The following MINDY4 variants were observed in gnomAD, a reference collection of about 807,000 sequenced individuals.
MINDY4 encodes the protein MINDY lysine 48 deubiquitinase 4, also known as probable ubiquitin carboxyl-terminal hydrolase MINDY-4.
Under a neutral mutation model 87.0 loss-of-function variants are expected in MINDY4, and 68 were observed. The observed-to-expected ratio is 0.78, with a 90% CI of 0.64 to 0.96. The LOEUF is 0.96. Ranked by LOEUF, MINDY4 falls within the 40% of genes least tolerant of loss-of-function variation. The probability of loss-of-function intolerance (pLI) is 0.00; values close to 1 mark genes in which losing one functional copy is unlikely to be tolerated. For synonymous variants in MINDY4, 379 were observed against 363.2 expected, an observed-to-expected ratio of 1.04 and a Z score of -0.50; for missense variants, 919 against 928.2, an observed-to-expected ratio of 0.99 and a Z score of 0.13.
At chr7:30,871,690 G>A (rs1790111380) in intron 13 of MINDY4, among the ~76,000 whole-genome samples, 1 of 152,214 alleles carries the variant, frequency 6.6e-6, no homozygotes, top group Non-Finnish European at 1.5e-5. Context: ...GCACCCTTGA[G>A]CAAGACATCC....
At chr7:30,781,046 G>A (rs76350356) in intron 2 of MINDY4, 13,305 of 152,314 alleles carry the variant, frequency 0.087, 955 homozygotes, top group African/African-American at 0.18. Context: ...GATGAGAGGA[G>A]TAGGAAGGGG....
At chr7:30,791,798 T>A (rs1787332035) in intron 5 of MINDY4, among the ~76,000 whole-genome samples, 1 of 152,140 alleles carries the variant, frequency 6.6e-6, no homozygotes, top group South Asian at 2.1e-4. Context: ...GACAGGGGTG[T>A]CCAACCTTTT....
intron 5 of MINDY4, among the ~76,000 whole-genome samples, chr7:30,823,528 G>A (rs1487508654): frequency 1.3e-5 from 2 of 151,426 alleles, no homozygotes; most frequent in East Asian, 3.9e-4. Flanking sequence ...AATATTTAAT[G>A]TATCATCTAT....
At chr7:30,815,382 C>T (rs543463961) in intron 5 of MINDY4, among the ~76,000 whole-genome samples, 53 of 152,356 alleles carry the variant, frequency 3.5e-4, no homozygotes, top group African/African-American at 1.2e-3. Flanking sequence ...TAATCAGAGG[C>T]AGCCTTAGTG....
chr7:30,842,649 G>A (rs1789077316), intron 9 of MINDY4, among the ~76,000 whole-genome samples: 1 of 152,182 alleles, frequency 6.6e-6, no homozygotes, highest in Non-Finnish European at 1.5e-5. Context: ...AGGAACAGGT[G>A]GTTACAGGGG....
chr7:30,859,183 C>T, intron 12 of MINDY4, 74 bp from the exon 13 acceptor site: 2 of 1,427,224 alleles, frequency 1.4e-6, no homozygotes, highest in South Asian at 1.2e-5. Flanking sequence ...TGGGGTGTGG[C>T]TCCCACAGAG....
intron 13 of MINDY4, 111 bp from the exon 14 acceptor site, chr7:30,872,132 C>A (rs1790124133): frequency 2.0e-6 from 2 of 1,006,294 alleles, no homozygotes; most frequent in Admixed American, 4.0e-5. Context: ...CCCACCAAAT[C>A]TGGAATTCTG....
intron 13 of MINDY4, among the ~76,000 whole-genome samples, chr7:30,871,457 A>G (rs1790104148): frequency 6.6e-6 from 1 of 152,228 alleles, no homozygotes; most frequent in Non-Finnish European, 1.5e-5. Flanking sequence ...CAAGCCGGGA[A>G]GGAGGATGGA....
chr7:30,826,488 T>C (rs192360510), intron 5 of MINDY4, among the ~76,000 whole-genome samples: 8 of 152,272 alleles, frequency 5.3e-5, no homozygotes, highest in Admixed American at 3.3e-4. Context: ...AATGAGCAGC[T>C]TATGAAAAGA....
At chr7:30,883,407 G>A (rs1383640472) in intron 17 of MINDY4, among the ~76,000 whole-genome samples, 1 of 152,166 alleles carries the variant, frequency 6.6e-6, no homozygotes, top group Non-Finnish European at 1.5e-5. Context: ...CCTGGGGGTG[G>A]CAGGAGGTGC....
chr7:30,781,961 T>TC lies in MINDY4; in HGVS notation c.184-15dup, dbSNP rs1787018749. 19 of 1,565,690 alleles carry TC rather than the reference T, an allele frequency of 1.2e-5. No individual in the cohort carries two copies. Among genetic ancestry groups the TC allele is most frequent in the Non-Finnish European group, 1.6e-5 (18 of 1,141,566 alleles). On this transcript the variant is annotated splice_polypyrimidine_tract_variant and intron_variant, in intron 2 of 17. Coordinates refer to ENST00000265299, the MANE Select transcript of MINDY4 (RefSeq NM_032222.3). ...TGTATATAAATTAATGATTTTTTTT[T>TC]CTCTCCCAATGATAGGCAAAGGAAA...
At chr7:30,789,689 A>C (rs1787263155) in intron 4 of MINDY4, among the ~76,000 whole-genome samples, 1 of 152,198 alleles carries the variant, frequency 6.6e-6, no homozygotes, top group Admixed American at 6.5e-5. Context: ...CCAGAACACT[A>C]CAAAATTAAG....
rs1357916082 is a variant in MINDY4, at chr7:30,853,434, C to A, written c.1652C>A (p.Thr551Asn). ...HSLTCYEDLV[T>N]FLQQSIHQFE... ...TTGACCTGCTATGAGGACCTGGTGA[C>A]TTTTCTTCAACAAAGCATTCATCAG... The change falls in exon 12 of 18, where the codon ACT (threonine) becomes AAT (asparagine). Residue 551 changes from threonine (T) to asparagine (N), a missense_variant. By Grantham distance (65) the Thr-to-Asn change is moderately conservative. Coordinates refer to ENST00000265299, the MANE Select transcript of MINDY4 (RefSeq NM_032222.3). 6.2e-7 allele frequency: 1 copy of A among 1,613,436 alleles called. No individual in the cohort carries two copies. Among genetic ancestry groups the A allele is most frequent in the Non-Finnish European group, 8.5e-7 (1 of 1,179,770 alleles).
chr7:30,833,904 A>T (rs1242004424), intron 6 of MINDY4, among the ~76,000 whole-genome samples: 2 of 152,272 alleles, frequency 1.3e-5, no homozygotes, highest in Non-Finnish European at 2.9e-5. Flanking sequence ...TCTCACATCT[A>T]GGTCATGCTG....
chr7:30,881,010 C>T (rs1359602870), intron 15 of MINDY4, among the ~76,000 whole-genome samples: 2 of 152,154 alleles, frequency 1.3e-5, no homozygotes, highest in Admixed American at 6.5e-5. Context: ...AAAAGTATGC[C>T]CTTCTCCCCA....
chr7:30,870,903 T>TGTGTGTGCCCCCCCAGGGCC (rs1790083066), intron 13 of MINDY4, among the ~76,000 whole-genome samples: 1 of 152,118 alleles, frequency 6.6e-6, no homozygotes, highest in South Asian at 2.1e-4. Flanking sequence ...GCTGGGTGGC[T>TGTGTGTGCCCCCCCAGGGCC]GTGTGTGCCC....
At chr7:30,789,709 T>C (rs1787264062) in intron 4 of MINDY4, among the ~76,000 whole-genome samples, 1 of 152,202 alleles carries the variant, frequency 6.6e-6, no homozygotes, top group Non-Finnish European at 1.5e-5. Context: ...GGTTTCCTTA[T>C]TCCAGTCCAG....
chr7:30,859,194 G>T, intron 12 of MINDY4, 63 bp from the exon 13 acceptor site: 1 of 1,468,716 alleles, frequency 6.8e-7, no homozygotes, highest in Non-Finnish European at 9.5e-7. Flanking sequence ...TCCCACAGAG[G>T]TGTGGGGCTG....
intron 13 of MINDY4, among the ~76,000 whole-genome samples, chr7:30,860,616 C>A (rs898565630): frequency 6.6e-6 from 1 of 152,072 alleles, no homozygotes; most frequent in Non-Finnish European, 1.5e-5. Flanking sequence ...GTCTCAGCGC[C>A]CCCATCCATG....
Sources: gnomAD v4.1 joint callset for allele counts (sites outside exome capture counted in the v4.1 genomes callset) on GRCh38, gnomAD v4.1.1 for gene constraint, MANE v1.5 for transcripts, NCBI Gene and HGNC (gene_info 2026-07-23, HGNC 2026-07-21) for gene names.